The following RBFOX1 variants were observed in gnomAD, a reference collection of about 807,000 sequenced individuals.
RBFOX1 encodes RNA binding fox-1 homolog 1.
RBFOX1 carries 8 observed loss-of-function variants against 57.7 expected under a neutral mutation model. The ratio of observed to expected loss-of-function variants is 0.14; its 90% CI spans 0.08 to 0.25. The LOEUF (loss-of-function observed/expected upper bound fraction) is 0.25. RBFOX1 is among the 10% of genes least tolerant of loss of function. The pLI is 1.00. For synonymous variants in RBFOX1, 326 were observed against 222.4 expected (o/e 1.47, Z -4.15); for missense variants, 611 against 548.5 (o/e 1.11, Z -1.14).
intron 2 of RBFOX1, among the ~76,000 whole-genome samples, chr16:6,513,597 G>T (rs1200407215): frequency 6.6e-6 from 1 of 152,132 alleles, no homozygotes; most frequent in African/African-American, 2.4e-5. Flanking sequence ...AGCTGGGCAG[G>T]GTGGCACACG....
chr16:6,502,019 C>T (rs562375173), intron 2 of RBFOX1, among the ~76,000 whole-genome samples: 1 of 152,236 alleles, frequency 6.6e-6, no homozygotes, highest in South Asian at 2.1e-4. Flanking sequence ...TTTGGAATGC[C>T]TGCTTAGGGG....
chr16:5,681,336 G>A (rs371659135), intron 3 of RBFOX1, among the ~76,000 whole-genome samples: 10 of 149,354 alleles, frequency 6.7e-5, no homozygotes, highest in South Asian at 2.1e-4. Flanking sequence ...CACCCGCCTC[G>A]GCCTCCCAAA....
At chr16:7,223,646 T>G (rs2092895266) in intron 4 of RBFOX1, among the ~76,000 whole-genome samples, 1 of 151,566 alleles carries the variant, frequency 6.6e-6, no homozygotes, top group Middle Eastern at 3.2e-3. Context: ...TTTATTTCAG[T>G]GTCTTATGTT....
chr16:5,360,496 A>G (rs1366452845), intron 1 of RBFOX1, among the ~76,000 whole-genome samples: 1 of 152,190 alleles, frequency 6.6e-6, no homozygotes, highest in African/African-American at 2.4e-5. Context: ...AATGGGAGAG[A>G]GTGCACCTTC....
intron 1 of RBFOX1, among the ~76,000 whole-genome samples, chr16:5,340,910 G>T (rs971096588): frequency 6.6e-6 from 1 of 152,168 alleles, no homozygotes; most frequent in Non-Finnish European, 1.5e-5. Context: ...AGTGGGAGGA[G>T]AGTGAGGGAC....
At position 6,422,686 on chromosome 16, in the gene RBFOX1, G is replaced by A. The variant is rs191993265; in HGVS notation, c.-64+105629G>A. On this transcript the variant is annotated intron_variant, in intron 2 of 15. Transcript: ENST00000550418. ...GAGAACAAGAGGGGCGGCGCTGAAC[G>A]CTTTTAAACAACCGGATCTCAGGGG... is the stretch of plus-strand genomic sequence containing the variant. Among the ~76,000 whole-genome samples the A allele has an allele frequency of 1.6e-3, 248 of 152,226 alleles. 3 individuals carry two copies. The highest frequency in any genetic ancestry group is 0.015 in the Admixed American group (231 of 15,284).
chr16:7,432,002 C>G (rs534505730), intron 4 of RBFOX1, among the ~76,000 whole-genome samples: 2 of 152,318 alleles, frequency 1.3e-5, no homozygotes, highest in East Asian at 3.9e-4. Context: ...CCTGTGGCAC[C>G]TAGAAGGTCC....
At chr16:6,203,708 G>A (rs1292346698) in intron 1 of RBFOX1, among the ~76,000 whole-genome samples, 1 of 152,174 alleles carries the variant, frequency 6.6e-6, no homozygotes, top group East Asian at 1.9e-4. Flanking sequence ...AAGCGTTGGT[G>A]AAGATGTGGA....
intron 4 of RBFOX1, among the ~76,000 whole-genome samples, chr16:7,391,050 C>T (rs1254014647): frequency 2.6e-5 from 4 of 152,066 alleles, no homozygotes; most frequent in Non-Finnish European, 5.9e-5. Flanking sequence ...CCTTGTTGTG[C>T]CTGTTCCTTC....
intron 4 of RBFOX1, among the ~76,000 whole-genome samples, chr16:5,898,473 G>A (rs933723289): frequency 2.0e-5 from 3 of 151,654 alleles, no homozygotes; most frequent in Admixed American, 6.6e-5. Flanking sequence ...CCACTGTCCT[G>A]TGTGGCCTTT....
At chr16:7,671,413 C>G in intron 13 of RBFOX1, 2 of 680,398 alleles carry the variant, frequency 2.9e-6, no homozygotes, top group Non-Finnish European at 4.9e-6. Context: ...CCCCTTTCAG[C>G]TTGGTGGGCC....
chr16:6,584,820 GC>G, intron 2 of RBFOX1, among the ~76,000 whole-genome samples: 1 of 152,276 alleles, frequency 6.6e-6, no homozygotes, highest in South Asian at 2.1e-4. Flanking sequence ...AGATGGTTTT[GC>G]CAGCAGCCTC....
chr16:6,303,260 G>A lies in RBFOX1; in HGVS notation c.-126-13735G>A, dbSNP rs188640516. Among the ~76,000 whole-genome samples, 48 of 152,054 alleles carry A rather than the reference G, an allele frequency of 3.2e-4. 1 individual carries two copies. Among genetic ancestry groups the A allele is most frequent in the Admixed American group, 1.2e-3 (19 of 15,264 alleles). On this transcript the variant is annotated intron_variant, in intron 1 of 15. Transcript: ENST00000550418. ...TTCCGATCACTTCAGTGCCATTTTCGTTCTGAGACATCTTCCCGGGTCTGA... is the reference window on the plus strand; with the variant it reads ...TTCCGATCACTTCAGTGCCATTTTCATTCTGAGACATCTTCCCGGGTCTGA...
intron 3 of RBFOX1, among the ~76,000 whole-genome samples, chr16:6,774,264 G>A (rs1050059868): frequency 6.6e-6 from 1 of 152,198 alleles, no homozygotes; most frequent in Non-Finnish European, 1.5e-5. Context: ...GGAATTCATG[G>A]AGCATGTCTA....
At chr16:5,283,114 C>G (rs1391990835) in intron 1 of RBFOX1, among the ~76,000 whole-genome samples, 2 of 152,230 alleles carry the variant, frequency 1.3e-5, no homozygotes, top group African/African-American at 4.8e-5. Flanking sequence ...AGCCCCAAGC[C>G]TTAGCAGCTT....
At chr16:7,221,931 T>C (rs991172658) in intron 4 of RBFOX1, among the ~76,000 whole-genome samples, 3 of 152,196 alleles carry the variant, frequency 2.0e-5, no homozygotes, top group African/African-American at 7.2e-5. Context: ...TAGAAAATGA[T>C]GAAATGCAGA....
chr16:5,799,258 A>T lies in RBFOX1; in HGVS notation c.319-68045A>T, dbSNP rs182173855. Among the ~76,000 whole-genome samples the T allele has an allele frequency of 1.1e-3, 173 of 152,170 alleles. 1 individual carries two copies. Among genetic ancestry groups the T allele is most frequent in the South Asian group, 3.5e-3 (17 of 4,806 alleles). ...CAGTATGGGGGAAACTGCCCCCATG[A>T]CTCATTTATCTCCCACTGGGTTCCT... is the stretch of plus-strand genomic sequence containing the variant. On this transcript the variant is annotated intron_variant, in intron 3 of 19. Coordinates refer to the RBFOX1 transcript ENST00000641259.
intron 13 of RBFOX1, among the ~76,000 whole-genome samples, chr16:7,671,851 T>G (rs2071554073): frequency 6.6e-6 from 1 of 152,252 alleles, no homozygotes; most frequent in Non-Finnish European, 1.5e-5. Flanking sequence ...GACTGAGTGC[T>G]GTTAGCTGGC....
At chr16:5,698,969 C>T (rs1279911312) in intron 3 of RBFOX1, among the ~76,000 whole-genome samples, 3 of 145,318 alleles carry the variant, frequency 2.1e-5, no homozygotes, top group Non-Finnish European at 3.0e-5. Context: ...CTCTTATAAA[C>T]AGCACCTGGT....
Sources: allele counts gnomAD v4.1 joint callset (sites outside exome capture counted in the v4.1 genomes callset), GRCh38; gene constraint gnomAD v4.1.1; transcripts MANE v1.5; gene names NCBI Gene and HGNC (gene_info 2026-07-23, HGNC 2026-07-21).